Variants in CACNA1H observed in about 807,000 individuals in gnomAD.
CACNA1H encodes the protein voltage-dependent T-type calcium channel subunit alpha-1H.
Under a neutral mutation model 192.5 loss-of-function variants are expected in CACNA1H, and 149 were observed. That is an observed-to-expected ratio of 0.77 (90% CI 0.68 to 0.89). The LOEUF (loss-of-function observed/expected upper bound fraction) is 0.89, where lower values mean the gene tolerates loss of function less well. Among genes scored for constraint, CACNA1H ranks in the 40% least tolerant of loss-of-function variants. The pLI is 0.00. For missense variants in CACNA1H, 4,257 were observed against 3,423.5 expected, an observed-to-expected ratio of 1.24 and a Z score of -6.08; for synonymous variants, 2,202 against 1,475.2, an observed-to-expected ratio of 1.49 and a Z score of -11.29.
chr16:1,212,381 C>G (rs1969557284), intron 25 of CACNA1H, 130 bp from the exon 26 acceptor site: 2 of 1,070,644 alleles, frequency 1.9e-6, no homozygotes, highest in African/African-American at 3.2e-5. Flanking sequence ...AGGCAGGTTC[C>G]CCACCGAGTC....
intron 14 of CACNA1H, 117 bp downstream of exon 14, chr16:1,207,547 C>T (rs1293442615): frequency 1.1e-5 from 13 of 1,216,358 alleles, no homozygotes; most frequent in East Asian, 2.5e-5. Context: ...AGAAGGGAAG[C>T]TGGCTGCCAT....
chr16:1,209,438 G>A (rs763611475), intron 17 of CACNA1H, 26 bp downstream of exon 17: 48 of 1,589,280 alleles, frequency 3.0e-5, no homozygotes, highest in Middle Eastern at 1.7e-4. Context: ...TGGGCCCACC[G>A]CCGACTCGCC....
chr16:1,204,499 C>A, intron 10 of CACNA1H, 41 bp downstream of exon 10: 1 of 1,468,698 alleles, frequency 6.8e-7, no homozygotes, highest in Non-Finnish European at 9.2e-7. Context: ...CCCTGTCAGG[C>A]TTGCAGGGCC....
At chr16:1,217,067 G>A (rs953255867) in intron 31 of CACNA1H, 57 bp downstream of exon 31, 1 of 1,437,092 alleles carries the variant, frequency 7.0e-7, no homozygotes, top group Non-Finnish European at 9.6e-7. Flanking sequence ...AGGCGCCCCT[G>A]TGCCCATCCA....
chr16:1,214,724 A>C (rs565981426), intron 27 of CACNA1H, among the ~76,000 whole-genome samples: 5 of 152,010 alleles, frequency 3.3e-5, no homozygotes, highest in Admixed American at 1.3e-4. Flanking sequence ...AGTGGCATTC[A>C]GCTGGTCTTG....
intron 2 of CACNA1H, among the ~76,000 whole-genome samples, chr16:1,172,981 T>A (rs1253238726): frequency 8.4e-6 from 1 of 119,430 alleles, no homozygotes; most frequent in Non-Finnish European, 1.7e-5. Context: ...GGGTGCTGCC[T>A]GGGAGGGAGG....
At chr16:1,214,790 C>T (rs1969864707) in intron 27 of CACNA1H, among the ~76,000 whole-genome samples, 182 bp from the exon 28 acceptor site, 1 of 152,114 alleles carries the variant, frequency 6.6e-6, no homozygotes, top group Non-Finnish European at 1.5e-5. Context: ...TTACGGAGCA[C>T]TTCCTGTATG....
At position 1,218,419 on chromosome 16, in the gene CACNA1H, G is replaced by A. The variant is rs58632975; in HGVS notation, c.5655G>A (p.Ala1885=). ...ELDAEIELEM[A]QGPGSARRVD... The stretch of plus-strand genomic sequence containing the variant: ...ACGCCGAGATCGAGCTGGAGATGGC[G>A]CAGGGCCCCGGGAGTGCACGCCGGG... Residue 1885 remains alanine, a synonymous_variant, in exon 33 of 35, where the codon GCG becomes GCA. Transcript: ENST00000348261. 7.3e-4 allele frequency: 1,136 copies of A among 1,554,192 alleles called. 1 individual carries two copies. The highest frequency in any genetic ancestry group is 6.8e-4 in the Non-Finnish European group (785 of 1,149,604).
At chr16:1,198,505 G>T in intron 5 of CACNA1H, 110 bp from the exon 6 acceptor site, 1 of 1,177,216 alleles carries the variant, frequency 8.5e-7, no homozygotes, top group Admixed American at 1.8e-5. Flanking sequence ...AGTGGGCGTG[G>T]ACACCCACTG....
chr16:1,203,908 G>GT, intron 9 of CACNA1H, 102 bp from the exon 10 acceptor site: 1 of 810,626 alleles, frequency 1.2e-6, no homozygotes, highest in Non-Finnish European at 1.9e-6. Context: ...GATCTTTCTG[G>GT]GGGGGACACA....
intron 2 of CACNA1H, among the ~76,000 whole-genome samples, chr16:1,185,392 G>A (rs188283573): frequency 7.2e-5 from 11 of 152,052 alleles, no homozygotes; most frequent in East Asian, 1.9e-4. Flanking sequence ...CTCACCCACC[G>A]GTTATCCGGA....
chr16:1,164,303 A>G (rs895973701), intron 2 of CACNA1H, among the ~76,000 whole-genome samples: 1 of 152,206 alleles, frequency 6.6e-6, no homozygotes, highest in African/African-American at 2.4e-5. Context: ...CCGAAGCCTC[A>G]GATCTGATGA....
chr16:1,206,916 T>TCCCC, intron 12 of CACNA1H, 85 bp from the exon 13 acceptor site: 2 of 52,308 alleles, frequency 3.8e-5, no homozygotes, highest in East Asian at 9.0e-4. Context: ...CCCTCCCTCC[T>TCCCC]CCCACCCCCC....
intron 28 of CACNA1H, 36 bp downstream of exon 28, chr16:1,215,117 C>T (rs748441820): frequency 1.3e-6 from 2 of 1,593,288 alleles, no homozygotes; most frequent in South Asian, 2.3e-5. Context: ...TTCTGGGGGC[C>T]CCTCAGGGCT....
At chr16:1,170,126 G>A (rs1388041563) in intron 2 of CACNA1H, among the ~76,000 whole-genome samples, 1 of 152,236 alleles carries the variant, frequency 6.6e-6, no homozygotes, top group Non-Finnish European at 1.5e-5. Context: ...GGGGTGCAGG[G>A]TCTGCCTGCA....
intron 2 of CACNA1H, among the ~76,000 whole-genome samples, chr16:1,190,313 G>A (rs1310361075): frequency 6.6e-6 from 1 of 152,264 alleles, no homozygotes; most frequent in Non-Finnish European, 1.5e-5. Flanking sequence ...TTAAAACCCA[G>A]AAAATCCATC....
chr16:1,214,839 G>A (rs370503880), intron 27 of CACNA1H, 133 bp from the exon 28 acceptor site: 37 of 652,284 alleles, frequency 5.7e-5, no homozygotes, highest in East Asian at 4.9e-4. Flanking sequence ...CCGGTGCCCA[G>A]GGAGGAGCTA....
rs1193070835 is a variant in CACNA1H at position 1,181,581 on chromosome 16, T to C, written c.300-13391T>C. ...GGGATCAGGCACTTTTCCACTCAAT[T>C]ATGCCTTGAAAAGTTCCCAAATCAA... is the stretch of plus-strand genomic sequence containing the variant. On this transcript the variant is annotated intron_variant, in intron 2 of 34. Transcript: ENST00000348261. Among the ~76,000 whole-genome samples, 6 of 152,240 alleles carry C rather than the reference T, an allele frequency of 3.9e-5. No individual in the cohort carries two copies. The East Asian group carries it at 5.8e-4, about 15-fold the overall frequency.
In CACNA1H at chr16:1,207,410, G is replaced by A. The variant is rs376957651; in HGVS notation, c.3043G>A (p.Val1015Met). The A allele has an allele frequency of 3.5e-5, 57 of 1,612,964 alleles. No individual in the cohort carries two copies. Among genetic ancestry groups the A allele is most frequent in the Admixed American group, 5.0e-5 (3 of 59,976 alleles). The change falls in exon 14 of 35, where the codon GTG becomes ATG. Residue 1015 changes from valine to methionine, a missense_variant. Coordinates refer to ENST00000348261, the MANE Select transcript of CACNA1H (RefSeq NM_021098.3). ...VLFNLLVAIL[V>M]EGFQAEGDAN... is the part of the protein sequence containing the mutation. Reference sequence around the variant, plus strand: ...CTTCAACCTGCTGGTGGCCATCCTCGTGGAGGGCTTCCAGGCGGAGGTGAG... The same window carrying A: ...CTTCAACCTGCTGGTGGCCATCCTCATGGAGGGCTTCCAGGCGGAGGTGAG...
Sources: gnomAD v4.1 joint callset for allele counts (sites outside exome capture counted in the v4.1 genomes callset) on GRCh38, gnomAD v4.1.1 for gene constraint, MANE v1.5 for transcripts, NCBI Gene and HGNC (gene_info 2026-07-23, HGNC 2026-07-21) for gene names.